PCDHGA3: variants seen among roughly 807,000 people sequenced by gnomAD.
PCDHGA3 encodes protocadherin gamma-A3.
PCDHGA3 carries 40 observed loss-of-function variants against 58.5 expected under a neutral mutation model. The ratio of observed to expected loss-of-function variants is 0.68; its 90% confidence interval spans 0.53 to 0.89. PCDHGA3 has a LOEUF of 0.89. PCDHGA3 is among the 40% of genes least tolerant of loss of function. The pLI, the probability that PCDHGA3 is intolerant of heterozygous loss-of-function variation, is 0.00. For synonymous variants in PCDHGA3, 530 were observed against 525.7 expected (o/e 1.01, Z -0.11); for missense variants, 1,223 against 1,195.9 (o/e 1.02, Z -0.33).
intron 1 of PCDHGA3, chr5:141,475,927 G>A: frequency 1.6e-6 from 1 of 628,480 alleles, no homozygotes; most frequent in South Asian, 2.1e-5. Flanking sequence ...CTGGAGATCG[G>A]GCCCCTGCCC....
At position 141,486,720 on chromosome 5, in the gene PCDHGA3, C is replaced by G; in HGVS notation, c.2425-8087C>G. ...ATCTCTCTGAACCCCCAGACAGGAG[C>G]TGTTCATGCTACTCGATCCTTTGAC... On this transcript the variant is annotated intron_variant, in intron 1 of 3. Coordinates refer to ENST00000253812, the MANE Select transcript of PCDHGA3 (RefSeq NM_018916.4). This position sits in a 1 kb window ranked among gnomAD's most constrained non-coding sequence, Gnocchi z 5.0. The G allele has an allele frequency of 6.2e-7, 1 of 1,614,216 alleles. No homozygotes were observed. Among genetic ancestry groups the G allele is most frequent in the Non-Finnish European group, 8.5e-7 (1 of 1,180,038 alleles).
chr5:141,384,134 G>T, intron 1 of PCDHGA3: 2 of 1,611,964 alleles, frequency 1.2e-6, no homozygotes, highest in South Asian at 2.2e-5. Context: ...AACTTGGACC[G>T]GGAAACACTC....
chr5:141,432,079 G>A lies in PCDHGA3; in HGVS notation c.2425-62728G>A, dbSNP rs138510025. On this transcript the variant is annotated intron_variant, in intron 1 of 3. Transcript: ENST00000253812. The surrounding 1 kb of genome is among the most constrained non-coding windows in gnomAD (Gnocchi z 6.0). ...TATCCACGGAAACTCATATCTCGCT[G>A]AACGTGGCAGACACCAACGACAACC... 1.6e-4 allele frequency: 252 copies of A among 1,614,054 alleles called. No homozygotes were observed. The highest frequency in any genetic ancestry group is 8.1e-5 in the Non-Finnish European group (96 of 1,180,048).
At chr5:141,350,425 T>C (rs759895057) in intron 1 of PCDHGA3, 207 of 1,607,986 alleles carry the variant, frequency 1.3e-4, no homozygotes, top group Non-Finnish European at 1.6e-4. Context: ...TGGGGCTCAG[T>C]GTCCGGGAGT....
At chr5:141,400,032 C>T (rs770927016) in intron 1 of PCDHGA3, 1 of 1,613,282 alleles carries the variant, frequency 6.2e-7, no homozygotes, top group Admixed American at 1.7e-5. Flanking sequence ...ACGCGGCCCG[C>T]CAGCGCCTGC....
chr5:141,465,923 C>A (rs908350232), intron 1 of PCDHGA3, among the ~76,000 whole-genome samples: 2 of 152,062 alleles, frequency 1.3e-5, no homozygotes, highest in African/African-American at 4.8e-5. Flanking sequence ...GATTTCGAGT[C>A]CATCCTGGCT....
intron 1 of PCDHGA3, chr5:141,409,901 C>T (rs1157563397): frequency 6.2e-7 from 1 of 1,613,264 alleles, no homozygotes; most frequent in East Asian, 2.2e-5. Flanking sequence ...GTACCCAGCT[C>T]TGGGTCCTGA....
chr5:141,358,915 G>A (rs28587232), intron 1 of PCDHGA3, among the ~76,000 whole-genome samples: 3,974 of 152,296 alleles, frequency 0.026, 167 homozygotes, highest in African/African-American at 0.091. Context: ...AATATTTTGT[G>A]TGTAGGGGAT....
chr5:141,394,643 G>T, intron 1 of PCDHGA3: 1 of 1,613,492 alleles, frequency 6.2e-7, no homozygotes, highest in Non-Finnish European at 8.5e-7. Flanking sequence ...GCCTGCTCAA[G>T]GCCAGCGAGC....
intron 1 of PCDHGA3, chr5:141,417,227 T>G (rs2096097098): frequency 6.6e-6 from 1 of 152,172 alleles, no homozygotes; most frequent in South Asian, 2.1e-4. Flanking sequence ...ACAAAAAAAT[T>G]TGTTGCTTAT....
Position 141,356,884 on chromosome 5 carries a change from A to C in PCDHGA3, c.2424+10427A>C, listed in dbSNP as rs1760376800. 7 of 1,614,176 alleles carry C rather than the reference A, an allele frequency of 4.3e-6. No homozygotes were observed. The highest frequency in any genetic ancestry group is 5.9e-6 in the Non-Finnish European group (7 of 1,180,026). On this transcript the variant is annotated intron_variant, in intron 1 of 3. Coordinates refer to ENST00000253812, the MANE Select transcript of PCDHGA3 (RefSeq NM_018916.4). ...GGACCAGAACGACAATGTCCCTGAG[A>C]TCCTGTACCCCACCTTCCCTACTGA...
intron 1 of PCDHGA3, chr5:141,404,242 G>T (rs372976589): frequency 1.2e-6 from 2 of 1,613,462 alleles, no homozygotes; most frequent in Non-Finnish European, 1.7e-6. Flanking sequence ...GAGGAACTCC[G>T]CCCCTGTCCA....
At chr5:141,416,406 T>A (rs2096021956) in intron 1 of PCDHGA3, 1 of 152,224 alleles carries the variant, frequency 6.6e-6, no homozygotes, top group Admixed American at 6.5e-5. Context: ...TTGTCTTTTT[T>A]GTTAAATTTT....
intron 1 of PCDHGA3, among the ~76,000 whole-genome samples, chr5:141,472,071 A>G (rs1243864250): frequency 6.6e-6 from 1 of 152,200 alleles, no homozygotes. Context: ...GTCTGTGGTT[A>G]TATCAATGAG....
chr5:141,440,693 C>T (rs2098194597), intron 1 of PCDHGA3: 1 of 152,136 alleles, frequency 6.6e-6, no homozygotes, highest in Non-Finnish European at 1.5e-5. Context: ...GTAAAAGTGA[C>T]CAACAGTGGA....
intron 1 of PCDHGA3, chr5:141,419,837 C>G (rs778271441): frequency 1.2e-6 from 2 of 1,614,090 alleles, no homozygotes; most frequent in South Asian, 2.2e-5. Context: ...CACTGCCACG[C>G]TGCACCTGGT....
In PCDHGA3 at chr5:141,431,135, A is replaced by T. The variant is rs140069213; in HGVS notation, c.2425-63672A>T. On this transcript the variant is annotated intron_variant, in intron 1 of 3. Transcript: ENST00000253812. This position sits in a 1 kb window ranked among gnomAD's most constrained non-coding sequence, Gnocchi z 4.8. ...TGGAGTAGAAGTAGAAGTAAGGGAC[A>T]TTAACGACAATGCGCCTTACTTTCG... 1 of 1,614,266 alleles carries T rather than the reference A, an allele frequency of 6.2e-7. No homozygotes were observed. Among genetic ancestry groups the T allele is most frequent in the African/African-American group, 1.3e-5 (1 of 75,078 alleles).
At chr5:141,404,465 G>C in intron 1 of PCDHGA3, 1 of 1,613,516 alleles carries the variant, frequency 6.2e-7, no homozygotes, top group Non-Finnish European at 8.5e-7. Flanking sequence ...CTCCACCTAT[G>C]TCTCTATTAA....
intron 1 of PCDHGA3, chr5:141,366,384 A>T (rs773208585): frequency 1.2e-6 from 2 of 1,614,124 alleles, no homozygotes; most frequent in Admixed American, 3.3e-5. Context: ...ATTGACCCTG[A>T]GGATCTGGAC....
Sources: gnomAD v4.1 joint callset for allele counts (sites outside exome capture counted in the v4.1 genomes callset) on GRCh38, gnomAD v4.1.1 for gene constraint, Gnocchi (gnomAD v3.1) non-coding constraint, MANE v1.5 for transcripts, NCBI Gene and HGNC (gene_info 2026-07-23, HGNC 2026-07-21) for gene names.